The following AGPAT3 variants were observed in gnomAD, a reference collection of about 807,000 sequenced individuals.
The protein encoded by AGPAT3 is 1-acylglycerol-3-phosphate O-acyltransferase 3, also known as 1-acyl-sn-glycerol-3-phosphate acyltransferase gamma.
In AGPAT3, 5 loss-of-function variants were observed where a neutral mutation model predicts 47.3. That is an observed-to-expected ratio of 0.11 (90% CI 0.06 to 0.22). AGPAT3 has a LOEUF of 0.22. Ranked by LOEUF, AGPAT3 falls within the 10% of genes least tolerant of loss-of-function variation. The probability of loss-of-function intolerance (pLI) is 1.00; values close to 1 mark genes in which losing one functional copy is unlikely to be tolerated. For synonymous variants in AGPAT3, 212 were observed against 208.3 expected (o/e 1.02, Z -0.15); for missense variants, 315 against 493.0 (o/e 0.64, Z 3.42).
At chr21:43,871,220 A>C (rs887495247) in intron 1 of AGPAT3, among the ~76,000 whole-genome samples, 1 of 151,590 alleles carries the variant, frequency 6.6e-6, no homozygotes, top group Admixed American at 6.6e-5. Flanking sequence ...AGAGAGGGGG[A>C]AAAATCCCAA....
intron 6 of AGPAT3, among the ~76,000 whole-genome samples, 176 bp from the exon 7 acceptor site, chr21:43,971,212 G>A (rs1324703477): frequency 6.6e-6 from 1 of 152,332 alleles, no homozygotes; most frequent in African/African-American, 2.4e-5. Flanking sequence ...GGAAAAAAGA[G>A]GGGGAAAGAA....
At chr21:43,916,896 A>C (rs1048708354) in intron 2 of AGPAT3, among the ~76,000 whole-genome samples, 20 of 152,236 alleles carry the variant, frequency 1.3e-4, no homozygotes, top group African/African-American at 4.8e-4. Flanking sequence ...TGTTGAGCGG[A>C]TAGCCGGGGA....
intron 1 of AGPAT3, among the ~76,000 whole-genome samples, chr21:43,891,647 AAGG>A (rs907233194): frequency 1.8e-4 from 28 of 151,788 alleles, no homozygotes; most frequent in Non-Finnish European, 3.2e-4. Flanking sequence ...AAAAAAAAAA[AAGG>A]GAGCAACTCC....
rs768793227 is a variant in AGPAT3, at chr21:43,986,944, T to C, written c.*4552T>C. On this transcript the variant is annotated 3_prime_UTR_variant, in exon 10 of 10. Coordinates refer to ENST00000291572, the MANE Select transcript of AGPAT3 (RefSeq NM_020132.5). ...GCTTGTCGGGGTGAGGGCTGCTAACTTACACTTCAGAGGCCTGTGTCCCAA... is the reference window on the plus strand; with the variant it reads ...GCTTGTCGGGGTGAGGGCTGCTAACCTACACTTCAGAGGCCTGTGTCCCAA... Among the ~76,000 whole-genome samples, 9 of 152,350 alleles carry C rather than the reference T, an allele frequency of 5.9e-5. No homozygotes were observed. The highest frequency in any genetic ancestry group is 7.3e-5 in the Non-Finnish European group (5 of 68,030).
chr21:43,866,002 C>A (rs2085497881), intron 1 of AGPAT3, among the ~76,000 whole-genome samples: 1 of 151,868 alleles, frequency 6.6e-6, no homozygotes, highest in Non-Finnish European at 1.5e-5. Context: ...AGTCCGGGGG[C>A]AAGAGCCGTG....
chr21:43,962,794 A>G (rs1252696545), intron 3 of AGPAT3, among the ~76,000 whole-genome samples: 4 of 152,240 alleles, frequency 2.6e-5, no homozygotes, highest in Non-Finnish European at 4.4e-5. Context: ...CTCTGGAGAA[A>G]GTCTCATTCA....
At chr21:43,969,009 A>G in intron 4 of AGPAT3, 109 bp from the exon 5 acceptor site, 1 of 1,186,258 alleles carries the variant, frequency 8.4e-7, no homozygotes, top group Non-Finnish European at 1.2e-6. Flanking sequence ...CAAAGCCGTG[A>G]CTCCTAGAGC....
At chr21:43,979,317 G>GA (rs2089752793) in intron 8 of AGPAT3, among the ~76,000 whole-genome samples, 1 of 99,980 alleles carries the variant, frequency 1.0e-5, no homozygotes, top group African/African-American at 3.9e-5. Context: ...AAAAAAAAAA[G>GA]AAAGAAAAAA....
chr21:43,951,288 G>A (rs1192764062), intron 2 of AGPAT3, among the ~76,000 whole-genome samples: 1 of 152,196 alleles, frequency 6.6e-6, no homozygotes, highest in East Asian at 1.9e-4. Context: ...ACTTGGATTT[G>A]GATCACTGAA....
chr21:43,941,922 G>A (rs991375464), intron 2 of AGPAT3, among the ~76,000 whole-genome samples: 5 of 152,266 alleles, frequency 3.3e-5, no homozygotes, highest in Admixed American at 1.3e-4. Context: ...GCCGCATTGC[G>A]CCTGAGCAGC....
In AGPAT3 at chr21:43,985,201, G is replaced by A. The variant is rs750801675; in HGVS notation, c.*2809G>A. 4 of 456,302 alleles carry A rather than the reference G, an allele frequency of 8.8e-6. No individual in the cohort carries two copies. The highest frequency in any genetic ancestry group is 6.2e-5 in the South Asian group (4 of 64,572). 28.3% of individuals were successfully genotyped at this position (456,302 alleles called of 1,614,324 possible). A position where few individuals can be genotyped will look rare whatever the true frequency, so the allele number is the denominator to read the frequency against. ...GTCTCCTGCCCATCTTCCCAAGGAT[G>A]CCATTGCTGTCTTCATCGTCTTCCC... On this transcript the variant is annotated 3_prime_UTR_variant, in exon 10 of 10. Transcript: ENST00000291572.
chr21:43,961,419 G>A (rs912979664), intron 3 of AGPAT3, among the ~76,000 whole-genome samples: 5 of 149,972 alleles, frequency 3.3e-5, no homozygotes, highest in African/African-American at 7.4e-5. Flanking sequence ...TATGGGAAAC[G>A]GTGAGCGCAT....
chr21:43,967,631 G>A (rs552031684), intron 3 of AGPAT3: 5 of 286,908 alleles, frequency 1.7e-5, no homozygotes, highest in East Asian at 6.4e-5. Flanking sequence ...CACCTCTCAC[G>A]GGGCGTGGCT....
intron 5 of AGPAT3, 21 bp downstream of exon 5, chr21:43,969,300 G>A (rs753836895): frequency 1.8e-5 from 29 of 1,612,732 alleles, no homozygotes; most frequent in Admixed American, 1.2e-4. Flanking sequence ...GGAGCAGCCC[G>A]ATACCCTGCA....
At chr21:43,957,510 G>A (rs1054197052) in intron 2 of AGPAT3, among the ~76,000 whole-genome samples, 1 of 150,268 alleles carries the variant, frequency 6.7e-6, no homozygotes, top group African/African-American at 2.5e-5. Context: ...TCCACACGGG[G>A]GGTCTCGGGT....
intron 2 of AGPAT3, among the ~76,000 whole-genome samples, chr21:43,938,140 A>ACACACT (rs1569075790): frequency 1.7e-4 from 26 of 150,772 alleles, no homozygotes; most frequent in African/African-American, 6.4e-4. Context: ...ACACACACAC[A>ACACACT]CTCACACTCA....
At chr21:43,965,813 A>G (rs922428069) in intron 3 of AGPAT3, 1 of 151,958 alleles carries the variant, frequency 6.6e-6, no homozygotes, top group African/African-American at 2.4e-5. Flanking sequence ...GGCTTTTGCC[A>G]TGCTTCCCCA....
chr21:43,935,554 C>T (rs376488561), intron 2 of AGPAT3, among the ~76,000 whole-genome samples: 1 of 152,358 alleles, frequency 6.6e-6, no homozygotes, highest in African/African-American at 2.4e-5. Context: ...CAGTACTGGG[C>T]ATCGGCGCTG....
intron 2 of AGPAT3, among the ~76,000 whole-genome samples, chr21:43,946,599 T>C (rs983248924): frequency 3.0e-5 from 4 of 133,502 alleles, no homozygotes; most frequent in African/African-American, 1.1e-4. Context: ...GACTCCTTCT[T>C]AAAAAAAAAA....
Sources: allele counts gnomAD v4.1 joint callset (sites outside exome capture counted in the v4.1 genomes callset), GRCh38; gene constraint gnomAD v4.1.1; transcripts MANE v1.5; gene names NCBI Gene and HGNC (gene_info 2026-07-23, HGNC 2026-07-21).